Variants in VSNL1 observed in about 807,000 individuals in gnomAD.
VSNL1 encodes the protein visinin like 1, also known as visinin-like protein 1.
A neutral mutation model predicts 20.4 loss-of-function variants in VSNL1; 6 were observed. The ratio of observed to expected loss-of-function variants is 0.29; its 90% CI spans 0.16 to 0.58. The LOEUF is 0.58. Among genes scored for constraint, VSNL1 ranks in the 20% least tolerant of loss-of-function variants. The pLI, the probability that VSNL1 is intolerant of heterozygous loss-of-function variation, is 0.90. For synonymous variants in VSNL1, 93 were observed against 86.4 expected (o/e 1.08, Z -0.42); for missense variants, 100 against 234.5 (o/e 0.43, Z 3.75).
At chr2:17,629,602 C>A (rs886331640) in intron 2 of VSNL1, among the ~76,000 whole-genome samples, 2 of 152,248 alleles carry the variant, frequency 1.3e-5, no homozygotes, top group African/African-American at 4.8e-5. Flanking sequence ...GAATTTTTCT[C>A]AGCCACTTTG....
chr2:17,582,534 A>C (rs907391408), intron 1 of VSNL1, among the ~76,000 whole-genome samples: 3 of 152,272 alleles, frequency 2.0e-5, no homozygotes, highest in Non-Finnish European at 2.9e-5. Flanking sequence ...AGTAGATGGA[A>C]TCAAGAGTTA....
At chr2:17,647,247 T>C (rs962721466) in intron 2 of VSNL1, among the ~76,000 whole-genome samples, 1 of 152,198 alleles carries the variant, frequency 6.6e-6, no homozygotes, top group African/African-American at 2.4e-5. Flanking sequence ...AGACATAAGA[T>C]AGTTAAAGCA....
At chr2:17,542,306 G>C (rs1018391438) in intron 1 of VSNL1, among the ~76,000 whole-genome samples, 1 of 152,132 alleles carries the variant, frequency 6.6e-6, no homozygotes, top group East Asian at 1.9e-4. Context: ...AATAACCCCA[G>C]AAAATGCTGC....
chr2:17,626,282 C>T (rs913160398), intron 2 of VSNL1, among the ~76,000 whole-genome samples: 3 of 152,148 alleles, frequency 2.0e-5, no homozygotes, highest in Admixed American at 6.5e-5. Flanking sequence ...CCGTAGCTAG[C>T]GAATCACAGG....
intron 1 of VSNL1, among the ~76,000 whole-genome samples, chr2:17,557,473 A>G (rs2103344774): frequency 6.6e-6 from 1 of 152,290 alleles, no homozygotes; most frequent in Non-Finnish European, 1.5e-5. Context: ...ACCACTTACA[A>G]TTAATTAAGT....
intron 1 of VSNL1, among the ~76,000 whole-genome samples, chr2:17,587,596 C>T (rs569755437): frequency 1.5e-4 from 23 of 152,062 alleles, no homozygotes; most frequent in East Asian, 3.9e-4. Context: ...GAGAGATGAG[C>T]GAAACTCAAG....
intron 2 of VSNL1, among the ~76,000 whole-genome samples, chr2:17,636,012 T>C (rs566249772): frequency 1.3e-5 from 2 of 151,818 alleles, no homozygotes; most frequent in Admixed American, 1.3e-4. Flanking sequence ...GAAAAATTAC[T>C]AATTTATCTG....
chr2:17,625,991 G>A (rs1043577156), intron 2 of VSNL1, among the ~76,000 whole-genome samples: 1 of 151,712 alleles, frequency 6.6e-6, no homozygotes, highest in Non-Finnish European at 1.5e-5. Context: ...TAATTTTTTT[G>A]TATTTTTAGT....
intron 1 of VSNL1, among the ~76,000 whole-genome samples, chr2:17,542,573 T>G (rs1315496327): frequency 6.6e-6 from 1 of 152,174 alleles, no homozygotes; most frequent in East Asian, 1.9e-4. Flanking sequence ...GAGAAGAACC[T>G]CTCATTGGAA....
At chr2:17,570,982 C>A (rs368873636) in intron 1 of VSNL1, among the ~76,000 whole-genome samples, 2 of 151,858 alleles carry the variant, frequency 1.3e-5, no homozygotes, top group African/African-American at 4.8e-5. Flanking sequence ...GCCGAGATTG[C>A]GCCACTGCAC....
intron 2 of VSNL1, among the ~76,000 whole-genome samples, chr2:17,600,464 C>A (rs529427038): frequency 3.5e-4 from 54 of 152,300 alleles, no homozygotes; most frequent in African/African-American, 1.2e-3. Flanking sequence ...CAAGAATTTT[C>A]TCTCATCAGA....
chr2:17,617,051 C>T (rs1665234646), intron 2 of VSNL1, among the ~76,000 whole-genome samples: 1 of 152,128 alleles, frequency 6.6e-6, no homozygotes, highest in African/African-American at 2.4e-5. Context: ...TTTTGAGCTC[C>T]CCCCTGTTCC....
chr2:17,553,694 A>G (rs1403072196), intron 1 of VSNL1, among the ~76,000 whole-genome samples: 2 of 152,226 alleles, frequency 1.3e-5, no homozygotes, highest in East Asian at 3.8e-4. Flanking sequence ...TCCACTACTT[A>G]ATGTCTTCTT....
intron 2 of VSNL1, among the ~76,000 whole-genome samples, chr2:17,627,448 G>T (rs910252265): frequency 5.3e-5 from 8 of 152,206 alleles, no homozygotes; most frequent in Non-Finnish European, 1.0e-4. Flanking sequence ...ACACACAGAG[G>T]TGTCTATGCA....
intron 2 of VSNL1, among the ~76,000 whole-genome samples, chr2:17,605,562 A>C (rs1270055544): frequency 6.6e-6 from 1 of 152,212 alleles, no homozygotes; most frequent in Non-Finnish European, 1.5e-5. Flanking sequence ...CACTGATGCA[A>C]GAGAAAGGCT....
rs987087526 is a variant in VSNL1, at chr2:17,649,067, ACTG to A, written c.163-339_163-337del. On this transcript the variant is annotated intron_variant, in intron 2 of 3. Transcript: ENST00000295156. The surrounding 1 kb of genome is among the most constrained non-coding windows in gnomAD (Gnocchi z 6.4). ...TAGCACCACCTGTGTGGGGAGAGAA[ACTG>A]CTGTCTGCCTCAGTCCTGTTCCTGG... is the stretch of plus-strand genomic sequence containing the variant. Among the ~76,000 whole-genome samples, 1 of 152,132 alleles carries A rather than the reference ACTG, an allele frequency of 6.6e-6. No individual in the cohort carries two copies.
chr2:17,554,367 G>A (rs1427660484), intron 1 of VSNL1, among the ~76,000 whole-genome samples: 1 of 152,146 alleles, frequency 6.6e-6, no homozygotes, highest in African/African-American at 2.4e-5. Context: ...TAGGAATAAA[G>A]TCATTTATTT....
In VSNL1 at chr2:17,629,806, G is replaced by A. The variant is rs539516990; in HGVS notation, c.163-19604G>A. 2.6e-4 allele frequency among the ~76,000 whole-genome samples: 39 copies of A among 152,316 alleles called. 1 individual carries two copies. Among genetic ancestry groups the A allele is most frequent in the Non-Finnish European group, 4.9e-4 (33 of 68,024 alleles). On this transcript the variant is annotated intron_variant, in intron 2 of 3. Coordinates refer to ENST00000295156, the MANE Select transcript of VSNL1 (RefSeq NM_003385.5). ...CTGACAATTAGAAGGGTAAGGATGG[G>A]CAGAGAAGAATTTTATTGAGCAATG...
At chr2:17,609,749 A>G (rs1188639499) in intron 2 of VSNL1, among the ~76,000 whole-genome samples, 1 of 152,216 alleles carries the variant, frequency 6.6e-6, no homozygotes, top group African/African-American at 2.4e-5. Flanking sequence ...ACTTCATCCA[A>G]ATAGAGAGAA....
Sources: allele counts gnomAD v4.1 joint callset (sites outside exome capture counted in the v4.1 genomes callset), GRCh38; gene constraint gnomAD v4.1.1; non-coding constraint Gnocchi (gnomAD v3.1); transcripts MANE v1.5; gene names NCBI Gene and HGNC (gene_info 2026-07-23, HGNC 2026-07-21).